GRHL2: variants seen among roughly 807,000 people sequenced by gnomAD.
GRHL2 encodes the protein grainyhead like transcription factor 2.
A neutral mutation model predicts 83.8 loss-of-function variants in GRHL2; 21 were observed. The ratio of observed to expected loss-of-function variants is 0.25; its 90% CI spans 0.18 to 0.36. The LOEUF is 0.36. Among genes scored for constraint, GRHL2 ranks in the 10% least tolerant of loss-of-function variants. The pLI is 1.00. For missense variants in GRHL2, 623 were observed against 781.8 expected, an observed-to-expected ratio of 0.80 and a Z score of 2.42; for synonymous variants, 280 against 278.9, an observed-to-expected ratio of 1.00 and a Z score of -0.04.
At chr8:101,664,411 C>T (rs536212648) in intron 14 of GRHL2, 43 bp from the exon 15 acceptor site, 25 of 1,459,574 alleles carry the variant, frequency 1.7e-5, no homozygotes, top group East Asian at 1.6e-4. Context: ...TCCAGTTGGG[C>T]GTCCTTCTGT....
At chr8:101,496,346 T>C (rs1488201076) in intron 1 of GRHL2, among the ~76,000 whole-genome samples, 3 of 152,162 alleles carry the variant, frequency 2.0e-5, no homozygotes, top group Non-Finnish European at 4.4e-5. Flanking sequence ...AATTAAACTC[T>C]CTAGTCTTTA....
chr8:101,673,939 A>T (rs939174762), downstream of GRHL2, among the ~76,000 whole-genome samples: 2 of 152,182 alleles, frequency 1.3e-5, no homozygotes, highest in African/African-American at 2.4e-5. Context: ...AAACTGAGCA[A>T]CCCGCTCCTG....
At chr8:101,565,994 AT>A (rs1185310408) in intron 4 of GRHL2, among the ~76,000 whole-genome samples, 3 of 152,178 alleles carry the variant, frequency 2.0e-5, no homozygotes, top group East Asian at 3.9e-4. Context: ...GTGATCCTGG[AT>A]CTAAACCCTA....
At position 101,649,414 on chromosome 8, in the gene GRHL2, T is replaced by C; in HGVS notation, c.1613T>C (p.Val538Ala). 1 of 1,613,586 alleles carries C rather than the reference T, an allele frequency of 6.2e-7. No homozygotes were observed. The highest frequency in any genetic ancestry group is 8.5e-7 in the Non-Finnish European group (1 of 1,179,572). Residue 538 changes from valine to alanine, a missense_variant and splice_region_variant, in exon 14 of 16, where the codon GTG (valine) becomes GCG (alanine). By Grantham distance (64) the Val-to-Ala change is moderately conservative. This residue lies in a region of GRHL2 where 210 missense variants were observed against 254.8 expected (regional missense o/e 0.82). Transcript: ENST00000646743. Reference protein sequence around the residue: ...KQMKEEGTKRVLLYVRKETDD... With the variant: ...KQMKEEGTKRALLYVRKETDD... Reference sequence around the variant, plus strand: ...TGGCTCTCTTGCCCATCTCTTCCAGTGCTCTTGTACGTGAGGAAGGAGACT... The same window carrying C: ...TGGCTCTCTTGCCCATCTCTTCCAGCGCTCTTGTACGTGAGGAAGGAGACT...
intron 8 of GRHL2, among the ~76,000 whole-genome samples, chr8:101,616,018 T>G (rs373868028): frequency 6.6e-6 from 1 of 151,794 alleles, no homozygotes; most frequent in East Asian, 1.9e-4. Context: ...TTTTCTTTCT[T>G]TCTTTCTATC....
intron 11 of GRHL2, among the ~76,000 whole-genome samples, chr8:101,634,572 C>T (rs576640447): frequency 5.3e-5 from 8 of 152,266 alleles, no homozygotes; most frequent in Admixed American, 1.3e-4. Flanking sequence ...GCAAGAGAGA[C>T]GCAAGGATTG....
the GRHL2 span, among the ~76,000 whole-genome samples, chr8:101,678,030 T>A: frequency 6.6e-6 from 1 of 151,866 alleles, no homozygotes; most frequent in Non-Finnish European, 1.5e-5. Flanking sequence ...AACCAGAAAA[T>A]TTCAGTAAAG....
chr8:101,501,610 GC>G lies in GRHL2; in HGVS notation c.20+8823del, dbSNP rs1320200472. On this transcript the variant is annotated intron_variant, in intron 1 of 15. Coordinates refer to ENST00000646743, the MANE Select transcript of GRHL2 (RefSeq NM_024915.4). ...GCGGCCAGCAGGGGCTGCTGCCGGG[GC>G]CTAGGGTGCGACAGCATGTGGCTGT... Among the ~76,000 whole-genome samples, 3 of 152,154 alleles carry G rather than the reference GC, an allele frequency of 2.0e-5. No homozygotes were observed. In the East Asian group the frequency reaches 5.8e-4, roughly 29 times the overall value.
At chr8:101,574,955 A>G (rs1384003110) in intron 6 of GRHL2, among the ~76,000 whole-genome samples, 1 of 152,216 alleles carries the variant, frequency 6.6e-6, no homozygotes. Context: ...ACTTGGTGAT[A>G]AAGTTTCAGA....
At chr8:101,552,632 C>T (rs952640611) in intron 2 of GRHL2, 83 bp from the exon 3 acceptor site, 10 of 1,339,702 alleles carry the variant, frequency 7.5e-6, no homozygotes, top group Non-Finnish European at 1.1e-5. Flanking sequence ...ATTTTGGTTT[C>T]TTTGCTTATG....
Position 101,661,478 on chromosome 8 carries a change from AACAC to A in GRHL2, c.1699-2968_1699-2965del, listed in dbSNP as rs536186383. Reference sequence around the variant, plus strand: ...TAAAATGGCATAGATATTTGCCTGTAACACACACACATCCTCCCATGTACTTTAA... The same window carrying A: ...TAAAATGGCATAGATATTTGCCTGTAACACACATCCTCCCATGTACTTTAA... On this transcript the variant is annotated intron_variant, in intron 14 of 15. Transcript: ENST00000646743. Among the ~76,000 whole-genome samples, 8 of 152,266 alleles carry A rather than the reference AACAC, an allele frequency of 5.3e-5. No individual in the cohort carries two copies. In the South Asian group the frequency reaches 1.7e-3, roughly 32 times the overall value.
intron 1 of GRHL2, among the ~76,000 whole-genome samples, chr8:101,512,965 C>T (rs1036594269): frequency 1.3e-5 from 2 of 152,168 alleles, no homozygotes; most frequent in Admixed American, 6.5e-5. Context: ...GGCCTCTCCA[C>T]CTCTAAATGC....
chr8:101,512,095 G>C (rs1810478699), intron 1 of GRHL2, among the ~76,000 whole-genome samples: 1 of 150,578 alleles, frequency 6.6e-6, no homozygotes, highest in African/African-American at 2.4e-5. Context: ...TTTAATATCT[G>C]GAAATGTTGT....
intron 1 of GRHL2, among the ~76,000 whole-genome samples, chr8:101,530,437 A>G (rs1415706418): frequency 6.6e-6 from 1 of 152,192 alleles, no homozygotes; most frequent in Non-Finnish European, 1.5e-5. Context: ...CTCAAAGCTA[A>G]TTTGGTTATA....
At chr8:101,611,102 A>G (rs1354016556) in intron 8 of GRHL2, among the ~76,000 whole-genome samples, 1 of 150,912 alleles carries the variant, frequency 6.6e-6, no homozygotes, top group Non-Finnish European at 1.5e-5. Flanking sequence ...CTTTAACAAA[A>G]CATAGTTAGT....
At chr8:101,658,430 AC>A (rs756254089) in intron 14 of GRHL2, among the ~76,000 whole-genome samples, 30 of 152,218 alleles carry the variant, frequency 2.0e-4, no homozygotes, top group Admixed American at 5.9e-4. Flanking sequence ...AATCTGAGAG[AC>A]AGCGCTCACA....
At chr8:101,634,467 A>G (rs558287529) in intron 11 of GRHL2, among the ~76,000 whole-genome samples, 6 of 152,264 alleles carry the variant, frequency 3.9e-5, no homozygotes, top group African/African-American at 1.4e-4. Flanking sequence ...GATGGAGCAG[A>G]GATTGGCTAA....
intron 6 of GRHL2, among the ~76,000 whole-genome samples, chr8:101,575,443 C>G (rs1316812934): frequency 6.6e-6 from 1 of 152,156 alleles, no homozygotes; most frequent in African/African-American, 2.4e-5. Flanking sequence ...AGAGTCCCCC[C>G]TTTCTTGGAA....
chr8:101,577,955 G>A (rs1467159078), intron 7 of GRHL2, among the ~76,000 whole-genome samples: 2 of 152,176 alleles, frequency 1.3e-5, no homozygotes, highest in African/African-American at 2.4e-5. Context: ...TCTGTCCAGT[G>A]TTCTTTCCAT....
Sources: gnomAD v4.1 joint callset for allele counts (sites outside exome capture counted in the v4.1 genomes callset) on GRCh38, gnomAD v4.1.1 for gene constraint, gnomAD v4.1.1 regional missense constraint, MANE v1.5 for transcripts, NCBI Gene and HGNC (gene_info 2026-07-23, HGNC 2026-07-21) for gene names.